The following KLHL15 variants were observed in gnomAD, a reference collection of about 807,000 sequenced individuals.
KLHL15 encodes kelch like family member 15.
A neutral mutation model predicts 29.3 loss-of-function variants in KLHL15; 1 was observed. That is an observed-to-expected ratio of 0.03 (90% CI 0.01 to 0.16). The LOEUF (loss-of-function observed/expected upper bound fraction) is 0.16. KLHL15 is among the 10% of genes least tolerant of loss of function. The probability of loss-of-function intolerance (pLI) is 1.00; values close to 1 mark genes in which losing one functional copy is unlikely to be tolerated. For missense variants in KLHL15, 215 were observed against 478.5 expected (o/e 0.45, Z 5.14); for synonymous variants, 212 against 184.5 (o/e 1.15, Z -1.21).
chrX:23,990,775 C>A (rs191744764), intron 3 of KLHL15, among the ~76,000 whole-genome samples: 208 of 110,448 alleles, frequency 1.9e-3, no homozygotes, highest in African/African-American at 6.6e-3. Context: ...TCCTCCCCCC[C>A]CTTCCTTCTC....
In KLHL15 at chrX:23,987,468, C is replaced by G. The variant is rs1366039270; in HGVS notation, c.*453G>C. On this transcript the variant is annotated 3_prime_UTR_variant, in exon 4 of 4. Coordinates refer to ENST00000328046, the MANE Select transcript of KLHL15 (RefSeq NM_030624.3). ...TCAGCAAAAAGCCATGCAAAAAGGTCAAGAGTTTTAAACTTTTAAATAATA... is the reference window on the plus strand; with the variant it reads ...TCAGCAAAAAGCCATGCAAAAAGGTGAAGAGTTTTAAACTTTTAAATAATA... The G allele has an allele frequency of 8.9e-6, 1 of 112,951 alleles. No individual in the cohort carries two copies. The highest frequency in any genetic ancestry group is 9.5e-5 in the Admixed American group (1 of 10,541). The allele number at this position is 112,951 out of a possible 1,213,427, so 9.3% of individuals were successfully genotyped here. A position where few individuals can be genotyped will look rare whatever the true frequency, so the allele number is the denominator to read the frequency against.
At chrX:24,021,406 C>T (rs980663074) in intron 2 of KLHL15, among the ~76,000 whole-genome samples, 3 of 110,891 alleles carry the variant, frequency 2.7e-5, no homozygotes, top group African/African-American at 9.8e-5. Flanking sequence ...AGTTGCAAAA[C>T]CCCATCTGCC....
intron 2 of KLHL15, among the ~76,000 whole-genome samples, chrX:24,018,216 GT>G (rs368236482): frequency 2.3e-4 from 26 of 111,990 alleles, no homozygotes; most frequent in African/African-American, 7.8e-4. Context: ...TCAACAAGAA[GT>G]GCGTAGCCCC....
chrX:24,004,042 A>G (rs952173900), intron 3 of KLHL15, among the ~76,000 whole-genome samples: 4 of 111,919 alleles, frequency 3.6e-5, no homozygotes, highest in African/African-American at 9.7e-5. Flanking sequence ...GCAGAAGGAT[A>G]AACCCAAAGA....
Position 23,988,041 on chromosome X carries a change from C to A in KLHL15, c.1695G>T (p.Pro565=), listed in dbSNP as rs149191178. The part of the protein sequence containing the change: ...HYSDSILTFD[P]DENKWKEDEY... ...CATCTTCCTTCCACTTGTTTTCATC[C>A]GGATCAAAAGTGAGGATGGAATCGC... Residue 565 remains proline (P), a synonymous_variant, in exon 4 of 4, where the codon CCG becomes CCT. Transcript: ENST00000328046. 10 of 1,209,285 alleles carry A rather than the reference C, an allele frequency of 8.3e-6. No individual in the cohort carries two copies. Among genetic ancestry groups the A allele is most frequent in the Non-Finnish European group, 1.0e-5 (9 of 894,990 alleles).
Position 23,987,898 on chromosome X carries a change from T to C in KLHL15, c.*23A>G, listed in dbSNP as rs1268538479. ...TGCAAACAAATACTTTGTTTGCCTC[T>C]TTTTTTAGGGAGGAGGATGTCATTA... On this transcript the variant is annotated 3_prime_UTR_variant, in exon 4 of 4. Transcript: ENST00000328046. 1.7e-6 allele frequency: 2 copies of C among 1,161,955 alleles called. No homozygotes were observed. The highest frequency in any genetic ancestry group is 2.0e-5 in the South Asian group (1 of 50,700).
chrX:23,995,673 C>T (rs1394843517), intron 3 of KLHL15, among the ~76,000 whole-genome samples: 2 of 111,112 alleles, frequency 1.8e-5, no homozygotes, highest in Admixed American at 9.7e-5. Context: ...GATCTGCCTG[C>T]CTCAGCCTTC....
At chrX:24,025,977 G>T (rs1395876049) in intron 1 of KLHL15, among the ~76,000 whole-genome samples, 1 of 111,263 alleles carries the variant, frequency 9.0e-6, no homozygotes, top group South Asian at 3.8e-4. Flanking sequence ...GCCCACCCTC[G>T]ACAAGTTGAG....
At chrX:24,026,469 G>T (rs918573955) in intron 1 of KLHL15, among the ~76,000 whole-genome samples, 1 of 110,690 alleles carries the variant, frequency 9.0e-6, no homozygotes. Context: ...TGTAGATGAC[G>T]GAAATACACA....
At chrX:24,021,322 C>A (rs1487173207) in intron 2 of KLHL15, among the ~76,000 whole-genome samples, 1 of 111,309 alleles carries the variant, frequency 9.0e-6, no homozygotes, top group African/African-American at 3.3e-5. Flanking sequence ...ATCACACTAT[C>A]CCCAGATATA....
intron 2 of KLHL15, among the ~76,000 whole-genome samples, chrX:24,020,834 C>T (rs1602018816): frequency 8.9e-6 from 1 of 111,786 alleles, no homozygotes; most frequent in African/African-American, 3.2e-5. Context: ...TAATGTTAGC[C>T]TTTCAGTTCC....
At chrX:23,993,133 C>T (rs1283324129) in intron 3 of KLHL15, among the ~76,000 whole-genome samples, 2 of 111,919 alleles carry the variant, frequency 1.8e-5, no homozygotes, top group Admixed American at 9.6e-5. Flanking sequence ...TGGTTGAGAA[C>T]AAAAAGAAAA....
chrX:24,015,011 C>T (rs1277057271), intron 2 of KLHL15, among the ~76,000 whole-genome samples: 1 of 112,108 alleles, frequency 8.9e-6, no homozygotes, highest in East Asian at 2.8e-4. Flanking sequence ...ACAGGCAGTG[C>T]TCCTGAACGC....
Position 24,020,165 on chromosome X carries a change from C to T in KLHL15, c.-8+4692G>A, listed in dbSNP as rs767472390. Among the ~76,000 whole-genome samples, 7 of 112,368 alleles carry T rather than the reference C, an allele frequency of 6.2e-5. No individual in the cohort carries two copies. The East Asian group carries it at 1.4e-3, about 22-fold the overall frequency. ...GAAAAGAGAATGCAAAGGCTTACTA[C>T]GGATAAAAACAGAATTAATTTCTGA... On this transcript the variant is annotated intron_variant, in intron 2 of 3. Coordinates refer to ENST00000328046, the MANE Select transcript of KLHL15 (RefSeq NM_030624.3).
intron 3 of KLHL15, among the ~76,000 whole-genome samples, chrX:23,991,849 CAACAAAAACCTGAAAAAAACA>C (rs1291625694): frequency 1.8e-5 from 2 of 111,670 alleles, no homozygotes; most frequent in Non-Finnish European, 3.8e-5. Context: ...GAAAAAACAA[CAACAAAAACCTGAAAAAAACA>C]AACAAAAAAC....
At chrX:24,014,782 G>A (rs1400363803) in intron 2 of KLHL15, among the ~76,000 whole-genome samples, 2 of 111,929 alleles carry the variant, frequency 1.8e-5, no homozygotes, top group African/African-American at 6.5e-5. Flanking sequence ...AGTCACTCGT[G>A]GTCATACAGG....
chrX:23,995,766 A>T (rs961420669), intron 3 of KLHL15, among the ~76,000 whole-genome samples: 1 of 108,409 alleles, frequency 9.2e-6, no homozygotes, highest in Non-Finnish European at 1.9e-5. Flanking sequence ...AGAAAAAAAA[A>T]ATTGAGACGG....
chrX:24,018,248 C>A (rs1209016427), intron 2 of KLHL15, among the ~76,000 whole-genome samples: 1 of 111,930 alleles, frequency 8.9e-6, no homozygotes, highest in Non-Finnish European at 1.9e-5. Context: ...AAGAAAAAAA[C>A]GAATCATTGT....
At chrX:24,023,650 C>T (rs1187618013) in intron 2 of KLHL15, among the ~76,000 whole-genome samples, 1 of 112,032 alleles carries the variant, frequency 8.9e-6, no homozygotes, top group Non-Finnish European at 1.9e-5. Flanking sequence ...ATTCAATTTT[C>T]AAACCACAAA....
Sources: allele counts gnomAD v4.1 joint callset (sites outside exome capture counted in the v4.1 genomes callset), GRCh38; gene constraint gnomAD v4.1.1; transcripts MANE v1.5; gene names NCBI Gene and HGNC (gene_info 2026-07-23, HGNC 2026-07-21).